KPNB1: variants seen among roughly 807,000 people sequenced by gnomAD.
KPNB1 encodes the protein karyopherin subunit beta 1, also known as importin subunit beta-1.
KPNB1 carries 7 observed loss-of-function variants against 113.0 expected under a neutral mutation model. That is an observed-to-expected ratio of 0.06 (90% CI 0.04 to 0.12). KPNB1 has a LOEUF of 0.12. Ranked by LOEUF, KPNB1 falls within the 10% of genes least tolerant of loss-of-function variation. KPNB1 has a pLI of 1.00. For synonymous variants in KPNB1, 363 were observed against 378.6 expected, an observed-to-expected ratio of 0.96 and a Z score of 0.48; for missense variants, 400 against 1,054.8, an observed-to-expected ratio of 0.38 and a Z score of 8.60.
intron 2 of KPNB1, 134 bp downstream of exon 2, chr17:47,650,578 CCCCCA>C: frequency 1.3e-6 from 1 of 754,086 alleles, no homozygotes. Flanking sequence ...TCCCCCTCCC[CCCCCA>C]ACCCGGTCCA....
intron 21 of KPNB1, 145 bp from the exon 22 acceptor site, chr17:47,682,259 A>G: frequency 2.8e-6 from 2 of 709,354 alleles, no homozygotes; most frequent in Non-Finnish European, 5.2e-6. Context: ...AATGGCACAT[A>G]GGACAAGAAG....
At position 47,680,568 on chromosome 17, in the gene KPNB1, C is replaced by G; in HGVS notation, c.2529C>G (p.Ile843Met). The change falls in exon 21 of 22, where the codon ATC (isoleucine) becomes ATG (methionine). Residue 843 changes from isoleucine to methionine, a missense_variant. Coordinates refer to ENST00000290158, the MANE Select transcript of KPNB1 (RefSeq NM_002265.6). ...AATTAGTAGAAGCTAGGCCAATGAT[C>G]CATGAATTGTTAACTGAAGGGCGGA... Reference protein sequence around the residue: ...VLKLVEARPMIHELLTEGRRS... With the variant: ...VLKLVEARPMMHELLTEGRRS... 6.2e-7 allele frequency: 1 copy of G among 1,614,100 alleles called. No individual in the cohort carries two copies. The highest frequency in any genetic ancestry group is 8.5e-7 in the Non-Finnish European group (1 of 1,179,970).
Position 47,678,406 on chromosome 17 carries a change from C to T in KPNB1, c.2346C>T (p.Asn782=), listed in dbSNP as rs1468112655. ...IVQGLKGDQE[N]VHPDVMLVQP... is the part of the protein sequence containing the mutation. ...AGGGATTAAAGGGGGATCAGGAGAACGTACACCGTTGAGTATACAACCCAG... is the reference window on the plus strand; with the variant it reads ...AGGGATTAAAGGGGGATCAGGAGAATGTACACCGTTGAGTATACAACCCAG... The change falls in exon 19 of 22, where the codon AAC becomes AAT. Residue 782 remains asparagine, a synonymous_variant. Transcript: ENST00000290158. The T allele has an allele frequency of 3.1e-6, 5 of 1,611,096 alleles. No homozygotes were observed. The highest frequency in any genetic ancestry group is 4.5e-5 in the East Asian group (2 of 44,882).
rs535397751 is a variant in KPNB1, at chr17:47,663,256, T to G, written c.786+78T>G. 458 of 801,516 alleles carry G rather than the reference T, an allele frequency of 5.7e-4. 1 individual carries two copies. The highest frequency in any genetic ancestry group is 9.6e-4 in the Non-Finnish European group (432 of 452,120). The allele number at this position is 801,516 out of a possible 1,614,324, so 49.7% of individuals were successfully genotyped here. ...CATCCTTAGTCGCTATTTTGCCAAT[T>G]CTGTAATATTTTACTTAATACTATG... is the stretch of plus-strand genomic sequence containing the variant. On this transcript the variant is annotated intron_variant, in intron 7 of 21. Coordinates refer to ENST00000290158, the MANE Select transcript of KPNB1 (RefSeq NM_002265.6).
chr17:47,670,948 C>G, intron 12 of KPNB1, 116 bp downstream of exon 12: 1 of 962,142 alleles, frequency 1.0e-6, no homozygotes, highest in Non-Finnish European at 1.5e-6. Context: ...AAGACTCTAC[C>G]TTCTCTAGAG....
Position 47,680,534 on chromosome 17 carries a change from A to G in KPNB1, c.2495A>G (p.Asp832Gly). 1 of 1,614,214 alleles carries G rather than the reference A, an allele frequency of 6.2e-7. No homozygotes were observed. Among genetic ancestry groups the G allele is most frequent in the South Asian group, 1.1e-5 (1 of 91,084 alleles). Residue 832 changes from aspartate to glycine, a missense_variant, in exon 21 of 22, where the codon GAT becomes GGT. By Grantham distance (94) the Asp-to-Gly change is moderately conservative. Coordinates refer to ENST00000290158, the MANE Select transcript of KPNB1 (RefSeq NM_002265.6). ...IGDLCTAFGKDVLKLVEARPM... is the reference protein window; with the variant it reads ...IGDLCTAFGKGVLKLVEARPM... ...GACTTATGTACAGCATTTGGGAAGG[A>G]TGTACTGAAATTAGTAGAAGCTAGG...
At chr17:47,663,068 C>T (rs779152859) in intron 6 of KPNB1, 21 bp from the exon 7 acceptor site, 4 of 1,306,298 alleles carry the variant, frequency 3.1e-6, no homozygotes, top group Non-Finnish European at 4.4e-6. Context: ...AGTAAACTAT[C>T]TGATCTGCTG....
chr17:47,653,657 C>T (rs1915641653), intron 3 of KPNB1, among the ~76,000 whole-genome samples: 1 of 152,308 alleles, frequency 6.6e-6, no homozygotes, highest in African/African-American at 2.4e-5. Flanking sequence ...TGAGTGGAAA[C>T]TAGTGGGGAA....
At position 47,685,142 on chromosome 17, in the gene KPNB1, C is replaced by G. The variant is rs919953112; in HGVS notation, c.*2738C>G. The stretch of plus-strand genomic sequence containing the variant: ...CATTTTTCCCAGTTCTCCTCACCCC[C>G]CCTTTGTTGAAATGTTGGACTTGCT... On this transcript the variant is annotated 3_prime_UTR_variant, in exon 22 of 22. Coordinates refer to ENST00000290158, the MANE Select transcript of KPNB1 (RefSeq NM_002265.6). 2 of 152,168 alleles carry G rather than the reference C, an allele frequency of 1.3e-5. No individual in the cohort carries two copies. The highest frequency in any genetic ancestry group is 4.1e-4 in the South Asian group (2 of 4,820). 9.4% of individuals were successfully genotyped at this position (152,168 alleles called of 1,614,324 possible).
At chr17:47,678,819 GCTGGTCTTGAACT>G in intron 19 of KPNB1, among the ~76,000 whole-genome samples, 1 of 152,192 alleles carries the variant, frequency 6.6e-6, no homozygotes, top group East Asian at 1.9e-4. Flanking sequence ...TGTTGGTCAG[GCTGGTCTTGAACT>G]CCTGATCTCA....
At chr17:47,665,019 G>C in intron 8 of KPNB1, 38 bp from the exon 9 acceptor site, 1 of 1,509,828 alleles carries the variant, frequency 6.6e-7, no homozygotes, top group Non-Finnish European at 9.2e-7. Context: ...TACAGAGCTC[G>C]GTTGCTTTTG....
chr17:47,650,561 T>TCCCCCCCCCC (rs1220708651), intron 2 of KPNB1, 117 bp downstream of exon 2: 2 of 402,492 alleles, frequency 5.0e-6, no homozygotes, highest in Admixed American at 4.0e-5. Flanking sequence ...CCCGTCCCCC[T>TCCCCCCCCCC]CCCCCCTCCC....
intron 21 of KPNB1, among the ~76,000 whole-genome samples, chr17:47,681,693 T>G (rs898454032): frequency 3.0e-3 from 429 of 143,532 alleles, no homozygotes; most frequent in Non-Finnish European, 5.2e-3. Flanking sequence ...TAGGTTTTTT[T>G]TTTTTTTTTT....
At chr17:47,658,421 A>G (rs570577642) in intron 4 of KPNB1, 87 bp from the exon 5 acceptor site, 31 of 1,420,706 alleles carry the variant, frequency 2.2e-5, no homozygotes, top group South Asian at 1.2e-4. Flanking sequence ...AATATTTTCA[A>G]TCCATAGTTG....
intron 21 of KPNB1, among the ~76,000 whole-genome samples, chr17:47,681,661 GCCTCCTAAATT>G (rs1227039211): frequency 9.6e-5 from 14 of 146,002 alleles, no homozygotes; most frequent in African/African-American, 3.5e-4. Context: ...ACCCACCTCA[GCCTCCTAAATT>G]GCTGGAATTA....
intron 7 of KPNB1, 35 bp from the exon 8 acceptor site, chr17:47,664,124 A>C: frequency 7.3e-7 from 1 of 1,374,258 alleles, no homozygotes; most frequent in Non-Finnish European, 1.0e-6. Flanking sequence ...TTGAATCAGT[A>C]CTTATTTGGG....
At chr17:47,666,435 AT>A (rs2143133082) in intron 9 of KPNB1, among the ~76,000 whole-genome samples, 1 of 142,362 alleles carries the variant, frequency 7.0e-6, no homozygotes, top group South Asian at 2.1e-4. Flanking sequence ...TTATATATAT[AT>A]TATATATTTT....
At chr17:47,656,486 A>T (rs2029911370) in intron 3 of KPNB1, among the ~76,000 whole-genome samples, 1 of 151,588 alleles carries the variant, frequency 6.6e-6, no homozygotes, top group Non-Finnish European at 1.5e-5. Flanking sequence ...GTGCCATTGC[A>T]CTATCGTTTT....
chr17:47,681,755 G>A (rs967960114), intron 21 of KPNB1, among the ~76,000 whole-genome samples: 4 of 137,988 alleles, frequency 2.9e-5, no homozygotes, highest in African/African-American at 1.1e-4. Context: ...GGCCAGACTG[G>A]TCCTGACCTC....
Sources: allele counts gnomAD v4.1 joint callset (sites outside exome capture counted in the v4.1 genomes callset), GRCh38; gene constraint gnomAD v4.1.1; transcripts MANE v1.5; gene names NCBI Gene and HGNC (gene_info 2026-07-23, HGNC 2026-07-21).